Variants in RTKN2 observed in about 807,000 individuals in gnomAD.
RTKN2 encodes the protein rhotekin-2.
RTKN2 carries 69 observed loss-of-function variants against 71.5 expected under a neutral mutation model. The observed-to-expected ratio is 0.96, with a 90% CI of 0.79 to 1.18. The LOEUF (loss-of-function observed/expected upper bound fraction) is 1.18. RTKN2 is among the 50% of genes most tolerant of loss of function. The pLI is 0.00. For synonymous variants in RTKN2, 236 were observed against 236.5 expected, an observed-to-expected ratio of 1.00 and a Z score of 0.02; for missense variants, 724 against 719.7, an observed-to-expected ratio of 1.01 and a Z score of -0.07.
At position 62,241,042 on chromosome 10, in the gene RTKN2, C is replaced by T. The variant is rs146784587; in HGVS notation, c.370+100G>A. The T allele has an allele frequency of 1.9e-3, 1,183 of 639,454 alleles. 20 individuals are homozygous for T. In the African/African-American group the frequency reaches 0.02, roughly 11 times the overall value. 39.6% of individuals were successfully genotyped at this position (639,454 alleles called of 1,614,324 possible). On this transcript the variant is annotated intron_variant, in intron 4 of 11. Coordinates refer to ENST00000373789, the MANE Select transcript of RTKN2 (RefSeq NM_145307.4). ...AGATGCTGCTTATTCTTTCAAATGA[C>T]ATCAATTTATTTCAGCAAGGAAGCA...
At chr10:62,217,335 ATTAG>A in intron 8 of RTKN2, 86 bp from the exon 9 acceptor site, 1 of 963,226 alleles carries the variant, frequency 1.0e-6, no homozygotes, top group South Asian at 2.6e-5. Flanking sequence ...TCAAGGTTAA[ATTAG>A]TTATTTAGAA....
Position 62,193,499 on chromosome 10 carries a change from T to C in RTKN2, c.*4409A>G, listed in dbSNP as rs1027564840. ...AAGGTAGTTTGTTTCTCTAAGCACA[T>C]TGATTAGTAGGCCTCTCTCTGTAAA... is the stretch of plus-strand genomic sequence containing the variant. On this transcript the variant is annotated 3_prime_UTR_variant, in exon 12 of 12. Coordinates refer to ENST00000373789, the MANE Select transcript of RTKN2 (RefSeq NM_145307.4). The C allele has an allele frequency of 2.9e-5, 28 of 982,222 alleles. No individual in the cohort carries two copies. Among genetic ancestry groups the C allele is most frequent in the Middle Eastern group, 5.2e-4 (1 of 1,932 alleles). The allele number at this position is 982,222 out of a possible 1,614,324, so 60.8% of individuals were successfully genotyped here. A position where few individuals can be genotyped will look rare whatever the true frequency, so the allele number is the denominator to read the frequency against.
At chr10:62,219,120 C>A (rs1366374855) in intron 7 of RTKN2, among the ~76,000 whole-genome samples, 1 of 152,224 alleles carries the variant, frequency 6.6e-6, no homozygotes, top group Non-Finnish European at 1.5e-5. Flanking sequence ...GAGCCCCCAA[C>A]ATGAACATCT....
At chr10:62,191,521 T>C (rs1222252728), downstream of RTKN2, among the ~76,000 whole-genome samples, 1 of 152,226 alleles carries the variant, frequency 6.6e-6, no homozygotes, top group Admixed American at 6.5e-5. Flanking sequence ...TACTCTTTCA[T>C]ACTGCCCACA....
chr10:62,197,776 A>G lies in RTKN2; in HGVS notation c.*132T>C. ...CTTCTTCATTATAAAATGTTTTTCT[A>G]TACCTAATAGCTTATTAATTATTGG... On this transcript the variant is annotated 3_prime_UTR_variant, in exon 12 of 12. Transcript: ENST00000373789. 7.0e-7 allele frequency: 1 copy of G among 1,419,418 alleles called. No individual in the cohort carries two copies. The highest frequency in any genetic ancestry group is 9.2e-7 in the Non-Finnish European group (1 of 1,089,650). 87.9% of individuals were successfully genotyped at this position (1,419,418 alleles called of 1,614,324 possible).
At chr10:62,243,426 AC>A (rs549908781) in intron 3 of RTKN2, among the ~76,000 whole-genome samples, 496 of 151,968 alleles carry the variant, frequency 3.3e-3, no homozygotes, top group Non-Finnish European at 5.8e-3. Flanking sequence ...ATTTCATTTC[AC>A]AACTGTACTT....
At chr10:62,242,803 G>A (rs555436007) in intron 3 of RTKN2, among the ~76,000 whole-genome samples, 14 of 151,392 alleles carry the variant, frequency 9.2e-5, no homozygotes, top group Non-Finnish European at 1.9e-4. Context: ...CTAATTTTTT[G>A]ATTTTCAGTA....
chr10:62,189,770 A>C (rs1841191124), downstream of RTKN2, among the ~76,000 whole-genome samples: 1 of 151,900 alleles, frequency 6.6e-6, no homozygotes, highest in African/African-American at 2.4e-5. Context: ...GGGAGGTTGC[A>C]GTGAGCCAAG....
At chr10:62,266,768 C>T (rs2133119546) in intron 1 of RTKN2, among the ~76,000 whole-genome samples, 1 of 152,316 alleles carries the variant, frequency 6.6e-6, no homozygotes, top group East Asian at 1.9e-4. Context: ...GTGATAAGTA[C>T]TTTAGAGAGG....
intron 2 of RTKN2, among the ~76,000 whole-genome samples, chr10:62,249,751 A>G (rs1348718164): frequency 6.6e-6 from 1 of 152,212 alleles, no homozygotes; most frequent in Non-Finnish European, 1.5e-5. Context: ...CAGAGATACT[A>G]AATGAATTAA....
At chr10:62,267,092 T>A (rs1564535057) in intron 1 of RTKN2, among the ~76,000 whole-genome samples, 1 of 152,214 alleles carries the variant, frequency 6.6e-6, no homozygotes, top group African/African-American at 2.4e-5. Context: ...TATAAAATTA[T>A]CTGACTCTCA....
In RTKN2 at chr10:62,196,453, A is replaced by G; in HGVS notation, c.*1455T>C. On this transcript the variant is annotated 3_prime_UTR_variant, in exon 12 of 12. Transcript: ENST00000373789. ...TTACTAGGAGTCCTGGGCAAACACA[A>G]AAGTGTCCTGGCAGTTACATCATTC... The G allele has an allele frequency of 1.0e-6, 1 of 985,398 alleles. No individual in the cohort carries two copies. The highest frequency in any genetic ancestry group is 1.2e-6 in the Non-Finnish European group (1 of 829,904). 61.0% of individuals were successfully genotyped at this position (985,398 alleles called of 1,614,324 possible).
In RTKN2 at chr10:62,260,334, A is replaced by G. The variant is rs80326648; in HGVS notation, c.257+2291T>C. 7.5e-4 allele frequency among the ~76,000 whole-genome samples: 114 copies of G among 152,314 alleles called. 2 individuals carry two copies. In the East Asian group the frequency reaches 0.021, roughly 28 times the overall value. On this transcript the variant is annotated intron_variant, in intron 2 of 11. Coordinates refer to ENST00000373789, the MANE Select transcript of RTKN2 (RefSeq NM_145307.4). ...TACATAACTTTCTTCAAGGAACTAAATCATTAATCTTCAAGTCATTTTTGT... is the reference window on the plus strand; with the variant it reads ...TACATAACTTTCTTCAAGGAACTAAGTCATTAATCTTCAAGTCATTTTTGT...
intron 2 of RTKN2, among the ~76,000 whole-genome samples, chr10:62,247,218 A>G (rs986966079): frequency 6.6e-6 from 1 of 151,952 alleles, no homozygotes; most frequent in African/African-American, 2.4e-5. Context: ...TAGGTCTGTT[A>G]AAAAGACTGC....
chr10:62,215,243 T>G (rs1304029495), intron 9 of RTKN2, among the ~76,000 whole-genome samples: 3 of 152,072 alleles, frequency 2.0e-5, no homozygotes, highest in African/African-American at 7.2e-5. Context: ...CACAGAACTT[T>G]TACCAAAATT....
At chr10:62,257,976 AAG>A (rs1842704967) in intron 2 of RTKN2, among the ~76,000 whole-genome samples, 1 of 152,230 alleles carries the variant, frequency 6.6e-6, no homozygotes, top group African/African-American at 2.4e-5. Context: ...TTCAAGCATA[AAG>A]AACAGGCAAT....
In RTKN2 at chr10:62,201,866, T is replaced by C. The variant is rs541666725; in HGVS notation, c.1187-2005A>G. On this transcript the variant is annotated intron_variant, in intron 10 of 11. Transcript: ENST00000373789. ...ATAAATCTCTATGCATAGCTATACA[T>C]GATAGCCAATATGCTAACATGAAAA... is the stretch of plus-strand genomic sequence containing the variant. 3.3e-5 allele frequency among the ~76,000 whole-genome samples: 5 copies of C among 152,258 alleles called. No homozygotes were observed. In the East Asian group the frequency reaches 9.6e-4, roughly 29 times the overall value.
intron 2 of RTKN2, among the ~76,000 whole-genome samples, chr10:62,261,885 T>A (rs548430583): frequency 1.3e-5 from 2 of 152,246 alleles, no homozygotes; most frequent in African/African-American, 4.8e-5. Context: ...GAGCTGTGAA[T>A]CAACAAAGGG....
At position 62,199,740 on chromosome 10, in the gene RTKN2, C is replaced by A. The variant is rs770802975; in HGVS notation, c.1294+14G>T. On this transcript the variant is annotated intron_variant, in intron 11 of 11. Transcript: ENST00000373789. ...TTGTTATCCTGCAGCTTAGAAAAGA[C>A]AAACCCCACTTACTCATATCATGGT... 1 of 1,519,920 alleles carries A rather than the reference C, an allele frequency of 6.6e-7. No individual in the cohort carries two copies. The highest frequency in any genetic ancestry group is 9.1e-7 in the Non-Finnish European group (1 of 1,095,514). 94.2% of individuals were successfully genotyped at this position (1,519,920 alleles called of 1,614,324 possible).
Sources: gnomAD v4.1 joint callset for allele counts (sites outside exome capture counted in the v4.1 genomes callset) on GRCh38, gnomAD v4.1.1 for gene constraint, MANE v1.5 for transcripts, NCBI Gene and HGNC (gene_info 2026-07-23, HGNC 2026-07-21) for gene names.